Variants in MED13 observed in about 807,000 individuals in gnomAD.
MED13 encodes mediator complex subunit 13.
MED13 carries 23 observed loss-of-function variants against 225.2 expected under a neutral mutation model. The observed-to-expected ratio is 0.10, with a 90% confidence interval of 0.07 to 0.14. The LOEUF is 0.14. Ranked by LOEUF, MED13 falls within the 10% of genes least tolerant of loss-of-function variation. The pLI is 1.00. For synonymous variants in MED13, 942 were observed against 889.2 expected (o/e 1.06, Z -1.06); for missense variants, 2,197 against 2,594.5 (o/e 0.85, Z 3.33).
intron 15 of MED13, 46 bp from the exon 16 acceptor site, chr17:61,983,160 A>C: frequency 7.1e-7 from 1 of 1,409,610 alleles, no homozygotes; most frequent in Non-Finnish European, 9.5e-7. Flanking sequence ...ATATAAAGGA[A>C]CATATTAGTA....
chr17:61,979,649 TAATAA>T (rs1384816344), intron 16 of MED13, among the ~76,000 whole-genome samples: 1 of 152,184 alleles, frequency 6.6e-6, no homozygotes, highest in Non-Finnish European at 1.5e-5. Flanking sequence ...AATGCACCTT[TAATAA>T]AATAATAATA....
Position 62,011,247 on chromosome 17 carries a change from A to G in MED13, c.1284-14T>C. The G allele has an allele frequency of 6.3e-7, 1 of 1,598,304 alleles. No individual in the cohort carries two copies. Among genetic ancestry groups the G allele is most frequent in the Non-Finnish European group, 8.5e-7 (1 of 1,173,072 alleles). On this transcript the variant is annotated splice_polypyrimidine_tract_variant and intron_variant, in intron 8 of 29. Transcript: ENST00000397786. Reference sequence around the variant, plus strand: ...AGATTTTTGTGCCTGAAAAGTGAAAATAAAGGTTTCATATTTACAGTATCA... The same window carrying G: ...AGATTTTTGTGCCTGAAAAGTGAAAGTAAAGGTTTCATATTTACAGTATCA...
Position 61,985,107 on chromosome 17 carries a change from C to A in MED13, c.2386-17G>T. 1 of 1,598,770 alleles carries A rather than the reference C, an allele frequency of 6.3e-7. No homozygotes were observed. The highest frequency in any genetic ancestry group is 8.6e-7 in the Non-Finnish European group (1 of 1,169,290). The stretch of plus-strand genomic sequence containing the variant: ...AGATCCAGGCTATTTAAAAAAAGCA[C>A]ATATTTATCTAAAATTTTACATCCA... On this transcript the variant is annotated splice_polypyrimidine_tract_variant and intron_variant, in intron 12 of 29. Transcript: ENST00000397786.
At chr17:62,015,993 C>A (rs1474553936) in intron 8 of MED13, among the ~76,000 whole-genome samples, 13 of 67,554 alleles carry the variant, frequency 1.9e-4, no homozygotes, top group Non-Finnish European at 3.6e-4. Flanking sequence ...TAGTAGAGAC[C>A]GGTTTTTGCC....
At chr17:61,954,246 G>T in intron 26 of MED13, among the ~76,000 whole-genome samples, 1 of 152,122 alleles carries the variant, frequency 6.6e-6, no homozygotes, top group East Asian at 1.9e-4. Context: ...TTAGAGATGT[G>T]AGAGTTTTTA....
rs184622283 is a variant in MED13, at chr17:61,969,569, C to T, written c.3968-1311G>A. ...AAAAAAGAAAAAACCTTACTAAGAG[C>T]GCAGATCTCATGTTAAGTGTTCTTT... is the stretch of plus-strand genomic sequence containing the variant. On this transcript the variant is annotated intron_variant, in intron 17 of 29. Transcript: ENST00000397786. Among the ~76,000 whole-genome samples, 37 of 151,966 alleles carry T rather than the reference C, an allele frequency of 2.4e-4. No homozygotes were observed. The East Asian group carries it at 6.2e-3, about 25-fold the overall frequency.
intron 9 of MED13, among the ~76,000 whole-genome samples, chr17:61,996,039 A>G (rs1437104427): frequency 1.3e-5 from 2 of 152,140 alleles, no homozygotes; most frequent in African/African-American, 4.8e-5. Flanking sequence ...TTATTCTCCT[A>G]AAATAACCAA....
At chr17:62,035,870 T>C (rs574740672) in intron 3 of MED13, among the ~76,000 whole-genome samples, 39 of 152,226 alleles carry the variant, frequency 2.6e-4, no homozygotes, top group Admixed American at 4.6e-4. Flanking sequence ...AATTATTATA[T>C]AGCCACAAAA....
intron 17 of MED13, among the ~76,000 whole-genome samples, chr17:61,972,321 T>C (rs1254208141): frequency 6.6e-6 from 1 of 152,222 alleles, no homozygotes; most frequent in African/African-American, 2.4e-5. Flanking sequence ...TGTAATTCTT[T>C]TTAAATGAAG....
chr17:62,010,282 A>G (rs1047151538), intron 9 of MED13: 10 of 297,926 alleles, frequency 3.4e-5, no homozygotes, highest in African/African-American at 1.9e-4. Flanking sequence ...AAAACAGTAC[A>G]TGGGAATTCT....
At chr17:62,027,558 A>G (rs1410568702) in intron 8 of MED13, among the ~76,000 whole-genome samples, 1 of 152,232 alleles carries the variant, frequency 6.6e-6, no homozygotes, top group African/African-American at 2.4e-5. Flanking sequence ...AAGCAATCAC[A>G]ACAAAAGCAA....
At chr17:61,981,440 C>T in intron 16 of MED13, among the ~76,000 whole-genome samples, 1 of 152,212 alleles carries the variant, frequency 6.6e-6, no homozygotes, top group Non-Finnish European at 1.5e-5. Context: ...GTCTATAAGA[C>T]TCTAAATGAT....
chr17:61,950,983 G>A lies in MED13; in HGVS notation c.6133C>T (p.Arg2045Trp). The A allele has an allele frequency of 1.2e-6, 2 of 1,612,824 alleles. No homozygotes were observed. Among genetic ancestry groups the A allele is most frequent in the Non-Finnish European group, 1.7e-6 (2 of 1,179,338 alleles). ...GDAGKGQSTD[R>W]LLSTEPHEEV... Reference sequence around the variant, plus strand: ...TCATGAGGTTCTGTTGATAGTAGCCGATCAGTACTCTGACCCTTAAAAAGA... The same window carrying A: ...TCATGAGGTTCTGTTGATAGTAGCCAATCAGTACTCTGACCCTTAAAAAGA... The change falls in exon 28 of 30, where the codon CGG becomes TGG. Residue 2045 changes from arginine (R) to tryptophan (W), a missense_variant. Arg to Trp is a moderately radical substitution (Grantham distance 101). This residue lies in a region of MED13 where 216 missense variants were observed against 388.9 expected (regional missense o/e 0.56). Transcript: ENST00000397786.
intron 3 of MED13, among the ~76,000 whole-genome samples, chr17:62,045,696 A>T (rs1781564669): frequency 6.6e-6 from 1 of 152,186 alleles, no homozygotes; most frequent in Admixed American, 6.6e-5. Flanking sequence ...CTGTCATGTG[A>T]TCCAGTCCCC....
chr17:61,955,182 C>T (rs1185299196), intron 26 of MED13, 200 bp downstream of exon 26: 2 of 391,854 alleles, frequency 5.1e-6, no homozygotes, highest in Admixed American at 4.2e-5. Flanking sequence ...CTGCCTCCTT[C>T]TTATAAGAAC....
intron 27 of MED13, among the ~76,000 whole-genome samples, chr17:61,952,158 G>A (rs1445930759): frequency 6.6e-6 from 1 of 152,072 alleles, no homozygotes. Context: ...CTCCCAAAGT[G>A]CTGGGATTAC....
chr17:62,024,512 G>C (rs2080680631), intron 8 of MED13, among the ~76,000 whole-genome samples: 1 of 152,114 alleles, frequency 6.6e-6, no homozygotes, highest in South Asian at 2.1e-4. Context: ...AATTCCACTA[G>C]TGGGAAAGAA....
chr17:62,046,348 T>A (rs919483086), intron 3 of MED13, among the ~76,000 whole-genome samples: 17 of 152,204 alleles, frequency 1.1e-4, no homozygotes, highest in African/African-American at 4.1e-4. Flanking sequence ...CAGAATAAAG[T>A]CAGTTATTAT....
intron 5 of MED13, among the ~76,000 whole-genome samples, chr17:62,033,354 C>T (rs2080774290): frequency 6.6e-6 from 1 of 152,112 alleles, no homozygotes; most frequent in African/African-American, 2.4e-5. Flanking sequence ...TTAATTCATT[C>T]ACAATTAACT....
Sources: allele counts gnomAD v4.1 joint callset (sites outside exome capture counted in the v4.1 genomes callset), GRCh38; gene constraint gnomAD v4.1.1; regional missense constraint gnomAD v4.1.1; transcripts MANE v1.5; gene names NCBI Gene and HGNC (gene_info 2026-07-23, HGNC 2026-07-21).